The following FASTKD3 variants were observed in gnomAD, a reference collection of about 807,000 sequenced individuals.
FASTKD3 encodes FAST kinase domain-containing protein 3, mitochondrial.
A neutral mutation model predicts 49.7 loss-of-function variants in FASTKD3; 47 were observed. The ratio of observed to expected loss-of-function variants is 0.95; its 90% confidence interval spans 0.75 to 1.21. The LOEUF is 1.21. Ranked by LOEUF, FASTKD3 falls within the 50% of genes most tolerant of loss-of-function variation. The pLI, the probability that FASTKD3 is intolerant of heterozygous loss-of-function variation, is 0.00. For synonymous variants in FASTKD3, 284 were observed against 288.6 expected (o/e 0.98, Z 0.16); for missense variants, 748 against 765.7 (o/e 0.98, Z 0.27).
Position 7,862,895 on chromosome 5 carries a change from C to T in FASTKD3, c.1627G>A (p.Gly543Arg). Residue 543 changes from glycine to arginine, a missense_variant, in exon 4 of 7, where the codon GGG becomes AGG. By Grantham distance (125) the Gly-to-Arg change is moderately radical (BLOSUM62 -2). Coordinates refer to ENST00000264669, the MANE Select transcript of FASTKD3 (RefSeq NM_024091.4). ...CTTGCTCCTAAAAGGTTAGTCAGCC[C>T]AATCTTCACATATCTATAAAGCTGA... is the stretch of plus-strand genomic sequence containing the variant. ...DSQLYRYVKI[G>R]LTNLLGARLY... The T allele has an allele frequency of 5.0e-6, 8 of 1,613,994 alleles. No individual in the cohort carries two copies. The highest frequency in any genetic ancestry group is 6.8e-6 in the Non-Finnish European group (8 of 1,179,964).
rs769989253 is a variant in FASTKD3 at position 7,866,979 on chromosome 5, C to A, written c.1105G>T (p.Glu369Ter). 1.3e-4 allele frequency: 216 copies of A among 1,614,002 alleles called. No homozygotes were observed. The highest frequency in any genetic ancestry group is 1.8e-4 in the Non-Finnish European group (212 of 1,180,040). Reference sequence around the variant, plus strand: ...TACTCCATGACCCTGCAGACAACTTCAGGATCCAACGTGAGGCACACCGCA... The same window carrying A: ...TACTCCATGACCCTGCAGACAACTTAAGGATCCAACGTGAGGCACACCGCA... ...VAAVCLTLDP[E>*]VVCRVMEYCS... The change falls in exon 2 of 7, where the codon GAA becomes TAA. Residue 369 changes from glutamate (E) to a stop codon, truncating the protein, a stop_gained. Coordinates refer to ENST00000264669, the MANE Select transcript of FASTKD3 (RefSeq NM_024091.4). LOFTEE classifies it high-confidence loss of function.
intron 3 of FASTKD3, 114 bp downstream of exon 3, chr5:7,865,784 C>G (rs185226627): frequency 1.3e-6 from 1 of 757,394 alleles, no homozygotes; most frequent in African/African-American, 1.7e-5. Context: ...GCAACTGACT[C>G]CAAGTAAATG....
chr5:7,861,403 A>G, intron 5 of FASTKD3, 140 bp from the exon 6 acceptor site: 3 of 596,220 alleles, frequency 5.0e-6, no homozygotes, highest in Middle Eastern at 4.8e-4. Context: ...CATGAATTTG[A>G]TCTTATTAAT....
intron 4 of FASTKD3, 36 bp downstream of exon 4, chr5:7,862,787 T>G (rs767704664): frequency 1.4e-5 from 22 of 1,554,302 alleles, no homozygotes; most frequent in Non-Finnish European, 1.8e-5. Context: ...ACAGGATGCT[T>G]AGGTTTAAAA....
At chr5:7,868,253 C>T (rs1000070228) in intron 1 of FASTKD3, 57 bp from the exon 2 acceptor site, 1 of 550,602 alleles carries the variant, frequency 1.8e-6, no homozygotes, top group Non-Finnish European at 3.1e-6. Flanking sequence ...ACCAGAGGGG[C>T]AAAGTCTCTG....
chr5:7,867,925 G>A lies in FASTKD3; in HGVS notation c.159C>T (p.Phe53=), dbSNP rs1255210009. The A allele has an allele frequency of 5.0e-6, 8 of 1,613,964 alleles. No individual in the cohort carries two copies. The highest frequency in any genetic ancestry group is 1.1e-5 in the South Asian group (1 of 91,070). Residue 53 remains phenylalanine, a synonymous_variant, in exon 2 of 7, where the codon TTC becomes TTT. Coordinates refer to ENST00000264669, the MANE Select transcript of FASTKD3 (RefSeq NM_024091.4). ...AATGGGCATGATGGAATTTGACCCCGAAAGGCTCAGGTTGTCGTGAACACA... is the reference window on the plus strand; with the variant it reads ...AATGGGCATGATGGAATTTGACCCCAAAAGGCTCAGGTTGTCGTGAACACA... ...PWLCSRQPEP[F]GVKFHHAHCK...
Position 7,867,887 on chromosome 5 carries a change from T to A in FASTKD3, c.197A>T (p.His66Leu). 1 of 1,614,082 alleles carries A rather than the reference T, an allele frequency of 6.2e-7. No individual in the cohort carries two copies. The highest frequency in any genetic ancestry group is 8.5e-7 in the Non-Finnish European group (1 of 1,180,006). ...KFHHAHCKKFHSKNGNDLHPL... is the reference protein window; with the variant it reads ...KFHHAHCKKFLSKNGNDLHPL... ...ATGAAGGTCATTTCCATTTTTCGAA[T>A]GAAACTTTTTACAATGGGCATGATG... Residue 66 changes from histidine (H) to leucine (L), a missense_variant, in exon 2 of 7, where the codon CAT (histidine) becomes CTT (leucine). This residue lies in a region of FASTKD3 where 564 missense variants were observed against 562.8 expected (regional missense o/e 1.00). Coordinates refer to ENST00000264669, the MANE Select transcript of FASTKD3 (RefSeq NM_024091.4).
At chr5:7,861,855 T>TA in intron 4 of FASTKD3, 1 of 1,160,030 alleles carries the variant, frequency 8.6e-7, no homozygotes, top group African/African-American at 1.6e-5. Flanking sequence ...AGCCTTAAAT[T>TA]AAGAAAGCTC....
chr5:7,866,034 T>C, intron 2 of FASTKD3, 51 bp from the exon 3 acceptor site: 3 of 1,340,038 alleles, frequency 2.2e-6, no homozygotes, highest in Middle Eastern at 1.8e-4. Flanking sequence ...GAGGTATGTA[T>C]GAGAGAACAT....
rs138362490 is a variant in FASTKD3 at position 7,867,455 on chromosome 5, T to C, written c.629A>G (p.Lys210Arg). ...AAGATTGCGAACTTCCATGCCACCT[T>C]TTCTGAGACGATTTTGGCATTCTGC... ...LVAECQNRLRKGGMEVRNLCI... is the reference protein window; with the variant it reads ...LVAECQNRLRRGGMEVRNLCI... The change falls in exon 2 of 7, where the codon AAA (lysine) becomes AGA (arginine). Residue 210 changes from lysine to arginine, a missense_variant. Around this residue, in one of 3 missense-constraint regions of FASTKD3, gnomAD observed 564 missense variants for 562.8 expected, o/e 1.00. Transcript: ENST00000264669. The C allele has an allele frequency of 4.5e-5, 73 of 1,614,096 alleles. No individual in the cohort carries two copies. The East Asian group carries it at 7.6e-4, about 17-fold the overall frequency.
At chr5:7,861,692 C>A in intron 4 of FASTKD3, 40 bp from the exon 5 acceptor site, 1 of 1,586,862 alleles carries the variant, frequency 6.3e-7, no homozygotes, top group Non-Finnish European at 8.6e-7. Flanking sequence ...GTGTGATACC[C>A]TCACAAACAC....
Position 7,867,729 on chromosome 5 carries a change from T to C in FASTKD3, c.355A>G (p.Ile119Val), listed in dbSNP as rs765636666. ...TCAGGCAGGGTTTCCATCGTGCTTATAAAACTTAGCACTTCTTCTGATGAA... is the reference window on the plus strand; with the variant it reads ...TCAGGCAGGGTTTCCATCGTGCTTACAAAACTTAGCACTTCTTCTGATGAA... ...LTSSEEVLSFISTMETLPDTM... is the reference protein window; with the variant it reads ...LTSSEEVLSFVSTMETLPDTM... Residue 119 changes from isoleucine (I) to valine (V), a missense_variant, in exon 2 of 7, where the codon ATA (isoleucine) becomes GTA (valine). This residue lies in a region of FASTKD3 where 564 missense variants were observed against 562.8 expected (regional missense o/e 1.00). Transcript: ENST00000264669. The C allele has an allele frequency of 6.2e-7, 1 of 1,614,242 alleles. No individual in the cohort carries two copies. Among genetic ancestry groups the C allele is most frequent in the Non-Finnish European group, 8.5e-7 (1 of 1,180,040 alleles).
rs762452287 is a variant in FASTKD3, at chr5:7,867,721, C to G, written c.363G>C (p.Thr121=). 3 of 1,614,082 alleles carry G rather than the reference C, an allele frequency of 1.9e-6. No homozygotes were observed. The African/African-American group carries it at 4.0e-5, about 22-fold the overall frequency. ...CCATAGTGTCAGGCAGGGTTTCCAT[C>G]GTGCTTATAAAACTTAGCACTTCTT... The part of the protein sequence containing the change: ...SSEEVLSFIS[T]METLPDTMAA... Residue 121 remains threonine (T), a synonymous_variant, in exon 2 of 7, where the codon ACG becomes ACC. Transcript: ENST00000264669.
At position 7,862,854 on chromosome 5, in the gene FASTKD3, T is replaced by G; in HGVS notation, c.1668A>C (p.Pro556=). The G allele has an allele frequency of 6.2e-7, 1 of 1,613,780 alleles. No homozygotes were observed. Residue 556 remains proline, a synonymous_variant, in exon 4 of 7, where the codon CCA becomes CCC. Transcript: ENST00000264669. Reference sequence around the variant, plus strand: ...TATAACAATAGGGTGTCAACACTTTTGGAGCAAAATATAATCTTGCTCCTA... The same window carrying G: ...TATAACAATAGGGTGTCAACACTTTGGGAGCAAAATATAATCTTGCTCCTA... The part of the protein sequence containing the change: ...NLLGARLYFA[P]KVLTPYCYTI...
chr5:7,866,089 CTA>C (rs1336832856), intron 2 of FASTKD3, 106 bp from the exon 3 acceptor site: 17 of 812,174 alleles, frequency 2.1e-5, no homozygotes, highest in Non-Finnish European at 3.5e-5. Flanking sequence ...CAGAAGTATT[CTA>C]TTTTTAAATG....
Position 7,862,994 on chromosome 5 carries a change from G to C in FASTKD3, c.1528C>G (p.Pro510Ala). 1.2e-6 allele frequency: 2 copies of C among 1,612,048 alleles called. No individual in the cohort carries two copies. The highest frequency in any genetic ancestry group is 1.6e-4 in the Middle Eastern group (1 of 6,062). The change falls in exon 4 of 7, where the codon CCA (proline) becomes GCA (alanine). Residue 510 changes from proline (P) to alanine (A), a missense_variant. By Grantham distance (27) the Pro-to-Ala change is conservative. This residue lies in a region of FASTKD3 where 178 missense variants were observed against 182.2 expected (regional missense o/e 0.98). Coordinates refer to ENST00000264669, the MANE Select transcript of FASTKD3 (RefSeq NM_024091.4). ...ACTTGATATTTAGGAAGGAGTTTTG[G>C]ACCCTAAAAAATCATAAGTGCAAAT... ...SVLECPFYKG[P>A]KLLPKYQVKS...
At position 7,867,598 on chromosome 5, in the gene FASTKD3, T is replaced by A. The variant is rs1229723550; in HGVS notation, c.486A>T (p.Leu162Phe). 6.2e-7 allele frequency: 1 copy of A among 1,614,150 alleles called. No individual in the cohort carries two copies. The highest frequency in any genetic ancestry group is 8.5e-7 in the Non-Finnish European group (1 of 1,180,058). ...EILENSIFQA[L>F]CFQFEKEPSQ... ...AGGGCTCCTTTTCAAACTGAAAGCA[T>A]AAAGCTTGAAAGATGCTATTCTCCA... The change falls in exon 2 of 7, where the codon TTA becomes TTT. Residue 162 changes from leucine to phenylalanine, a missense_variant. Physicochemically the swap from Leu to Phe is conservative, Grantham distance 22. Around this residue, in one of 3 missense-constraint regions of FASTKD3, gnomAD observed 564 missense variants for 562.8 expected, o/e 1.00. Coordinates refer to ENST00000264669, the MANE Select transcript of FASTKD3 (RefSeq NM_024091.4).
intron 3 of FASTKD3, among the ~76,000 whole-genome samples, chr5:7,865,409 G>A (rs1006148188): frequency 1.3e-5 from 2 of 152,188 alleles, no homozygotes; most frequent in African/African-American, 2.4e-5. Flanking sequence ...TAAGGAATGT[G>A]ATAGGTAATA....
intron 3 of FASTKD3, among the ~76,000 whole-genome samples, chr5:7,865,478 T>C (rs1341214245): frequency 6.6e-6 from 1 of 152,128 alleles, no homozygotes; most frequent in Non-Finnish European, 1.5e-5. Context: ...TAAACTCTAT[T>C]AGATAAAAGT....
Sources: allele counts gnomAD v4.1 joint callset (sites outside exome capture counted in the v4.1 genomes callset), GRCh38; gene constraint gnomAD v4.1.1; regional missense constraint gnomAD v4.1.1; transcripts MANE v1.5; gene names NCBI Gene and HGNC (gene_info 2026-07-23, HGNC 2026-07-21).